SUCNR1: variants seen among roughly 807,000 people sequenced by gnomAD.
SUCNR1 encodes the protein G-protein coupled receptor 91.
In SUCNR1, 5 loss-of-function variants were observed where a neutral mutation model predicts 2.4. The ratio of observed to expected loss-of-function variants is 2.07; its 90% CI spans 1.08 to 4.36. The LOEUF is 4.36. Ranked by LOEUF, SUCNR1 falls within the 30% of genes most tolerant of loss-of-function variation. The pLI, the probability that SUCNR1 is intolerant of heterozygous loss-of-function variation, is 0.00. For synonymous variants in SUCNR1, 162 were observed against 143.9 expected, an observed-to-expected ratio of 1.13 and a Z score of -0.90; for missense variants, 373 against 399.2, an observed-to-expected ratio of 0.93 and a Z score of 0.56.
rs201402522 is a variant in SUCNR1, at chr3:151,883,502, ATATG to A, written c.*1957_*1960del. 6.1e-5 allele frequency: 7 copies of A among 115,422 alleles called. No individual in the cohort carries two copies. The highest frequency in any genetic ancestry group is 2.0e-4 in the African/African-American group (6 of 29,618). 7.1% of individuals were successfully genotyped at this position (115,422 alleles called of 1,614,324 possible). A position where few individuals can be genotyped will look rare whatever the true frequency, so the allele number is the denominator to read the frequency against. On this transcript the variant is annotated 3_prime_UTR_variant, in exon 3 of 3. Transcript: ENST00000362032. The stretch of plus-strand genomic sequence containing the variant: ...TATATATATATATATATATATATAT[ATATG>A]TACCTTGTAAACAAGAGGTTAAGAA...
intron 2 of SUCNR1, among the ~76,000 whole-genome samples, chr3:151,880,285 T>A (rs1180167397): frequency 6.6e-6 from 1 of 152,202 alleles, no homozygotes; most frequent in African/African-American, 2.4e-5. Context: ...CCCAAGAGAG[T>A]ATAAATTGTT....
rs1312076768 is a variant in SUCNR1, at chr3:151,883,877, A to C, written c.*2329A>C. On this transcript the variant is annotated 3_prime_UTR_variant, in exon 3 of 3. Transcript: ENST00000362032. Reference sequence around the variant, plus strand: ...CCCTATAGCTAAAGATTGCTACTTTAGTTTATTACATTCAGAACTTTCTTC... The same window carrying C: ...CCCTATAGCTAAAGATTGCTACTTTCGTTTATTACATTCAGAACTTTCTTC... 1 of 152,118 alleles carries C rather than the reference A, an allele frequency of 6.6e-6. No homozygotes were observed. The highest frequency in any genetic ancestry group is 1.5e-5 in the Non-Finnish European group (1 of 68,014). The allele number at this position is 152,118 out of a possible 1,614,324, so 9.4% of individuals were successfully genotyped here. A position where few individuals can be genotyped will look rare whatever the true frequency, so the allele number is the denominator to read the frequency against.
At chr3:151,880,110 A>C (rs939621014) in intron 2 of SUCNR1, among the ~76,000 whole-genome samples, 2 of 152,154 alleles carry the variant, frequency 1.3e-5, no homozygotes, top group Non-Finnish European at 2.9e-5. Context: ...GTTTTTGTTT[A>C]AATGTCATCT....
intron 1 of SUCNR1, among the ~76,000 whole-genome samples, chr3:151,874,149 T>A (rs1237396782): frequency 0.017 from 947 of 54,322 alleles, 7 homozygotes; most frequent in African/African-American, 0.075. Flanking sequence ...TATATATATT[T>A]TTTTTTTTTT....
intron 1 of SUCNR1, among the ~76,000 whole-genome samples, chr3:151,874,321 C>G (rs1054982793): frequency 3.3e-5 from 5 of 150,398 alleles, no homozygotes; most frequent in African/African-American, 1.2e-4. Context: ...ATTACAAGCG[C>G]CCACCACCAC....
Position 151,880,901 on chromosome 3 carries a change from C to A in SUCNR1, c.358C>A (p.Arg120=). Residue 120 remains arginine, a synonymous_variant, in exon 3 of 3, where the codon CGA becomes AGA. Coordinates refer to ENST00000362032, the MANE Select transcript of SUCNR1 (RefSeq NM_033050.6). ...CTTTCTCACTTTTATCAGCATAGAT[C>A]GATACTTGATAATTAAGTATCCTTT... ...ILFLTFISID[R]YLIIKYPFRE... The A allele has an allele frequency of 6.2e-7, 1 of 1,613,942 alleles. No individual in the cohort carries two copies. The highest frequency in any genetic ancestry group is 8.5e-7 in the Non-Finnish European group (1 of 1,179,950).
At chr3:151,877,537 A>G (rs1446030736) in intron 1 of SUCNR1, among the ~76,000 whole-genome samples, 1 of 152,184 alleles carries the variant, frequency 6.6e-6, no homozygotes, top group Non-Finnish European at 1.5e-5. Context: ...TTTGAGAAAT[A>G]CCCAGACATT....
intron 1 of SUCNR1, among the ~76,000 whole-genome samples, chr3:151,874,340 AT>A (rs200520994): frequency 3.3e-5 from 5 of 149,694 alleles, no homozygotes; most frequent in Admixed American, 6.7e-5. Context: ...ACGCCCGGCT[AT>A]TTTTTTTGGA....
chr3:151,877,450 T>C (rs914030014), intron 1 of SUCNR1, among the ~76,000 whole-genome samples: 6 of 152,104 alleles, frequency 3.9e-5, no homozygotes, highest in African/African-American at 1.4e-4. Flanking sequence ...AATAGCAGAA[T>C]ATGACATAGA....
At position 151,881,377 on chromosome 3, in the gene SUCNR1, T is replaced by C; in HGVS notation, c.834T>C (p.Ile278=). The C allele has an allele frequency of 6.2e-7, 1 of 1,614,180 alleles. No homozygotes were observed. The highest frequency in any genetic ancestry group is 8.5e-7 in the Non-Finnish European group (1 of 1,180,036). ...CTQVVINSFY[I]VTRPLAFLNS... ...AGGTCGTCATCAACTCCTTTTACAT[T>C]GTGACACGGCCTTTGGCCTTTCTGA... The change falls in exon 3 of 3, where the codon ATT becomes ATC. Residue 278 remains isoleucine, a synonymous_variant. Coordinates refer to ENST00000362032, the MANE Select transcript of SUCNR1 (RefSeq NM_033050.6).
At chr3:151,879,310 G>A (rs967276148) in intron 1 of SUCNR1, among the ~76,000 whole-genome samples, 1 of 152,194 alleles carries the variant, frequency 6.6e-6, no homozygotes, top group African/African-American at 2.4e-5. Flanking sequence ...CTAAGCATAT[G>A]ACCTAGGCAA....
At chr3:151,874,115 C>CAT (rs1190068160) in intron 1 of SUCNR1, among the ~76,000 whole-genome samples, 1 of 119,036 alleles carries the variant, frequency 8.4e-6, no homozygotes, top group African/African-American at 3.8e-5. Flanking sequence ...CACACACACA[C>CAT]ATATACATAC....
chr3:151,879,229 G>C (rs1448459202), intron 1 of SUCNR1, among the ~76,000 whole-genome samples: 1 of 152,188 alleles, frequency 6.6e-6, no homozygotes, highest in Non-Finnish European at 1.5e-5. Flanking sequence ...CAAGACTCTT[G>C]AGGTTTGAGT....
intron 1 of SUCNR1, among the ~76,000 whole-genome samples, chr3:151,876,401 T>C (rs1164002465): frequency 6.6e-6 from 1 of 152,136 alleles, no homozygotes; most frequent in Non-Finnish European, 1.5e-5. Context: ...TTAAAGCCTA[T>C]TGACATTTTT....
rs1352230445 is a variant in SUCNR1 at position 151,883,082 on chromosome 3, A to T, written c.*1534A>T. On this transcript the variant is annotated 3_prime_UTR_variant, in exon 3 of 3. Coordinates refer to ENST00000362032, the MANE Select transcript of SUCNR1 (RefSeq NM_033050.6). ...TATCTCTAGACTTCAAGCAACTGAA[A>T]TATTATAAAAATGCATTAGTCACAA... The T allele has an allele frequency of 6.6e-6, 1 of 152,108 alleles. No individual in the cohort carries two copies. The highest frequency in any genetic ancestry group is 1.5e-5 in the Non-Finnish European group (1 of 67,960). The allele number at this position is 152,108 out of a possible 1,614,324, so 9.4% of individuals were successfully genotyped here. A position where few individuals can be genotyped will look rare whatever the true frequency, so the allele number is the denominator to read the frequency against.
intron 2 of SUCNR1, among the ~76,000 whole-genome samples, 180 bp downstream of exon 2, chr3:151,880,087 T>C (rs1391421112): frequency 2.0e-5 from 3 of 152,230 alleles, no homozygotes; most frequent in South Asian, 4.1e-4. Flanking sequence ...TCTCTTTCAC[T>C]TTCTTCATTG....
chr3:151,876,269 G>A (rs1308974585), intron 1 of SUCNR1, among the ~76,000 whole-genome samples: 1 of 152,124 alleles, frequency 6.6e-6, no homozygotes, highest in Non-Finnish European at 1.5e-5. Context: ...CAAGGAGATT[G>A]TTGTGTCATA....
In SUCNR1 at chr3:151,883,356, T is replaced by C. The variant is rs1718156683; in HGVS notation, c.*1808T>C. The C allele has an allele frequency of 6.6e-6, 1 of 151,140 alleles. No individual in the cohort carries two copies. Among genetic ancestry groups the C allele is most frequent in the Admixed American group, 6.6e-5 (1 of 15,152 alleles). The allele number at this position is 151,140 out of a possible 1,614,324, so 9.4% of individuals were successfully genotyped here. A position where few individuals can be genotyped will look rare whatever the true frequency, so the allele number is the denominator to read the frequency against. ...TTTGTATTTTATGCATGAATTTTAC[T>C]TGTAAAGACAAAATTAAATTTGCTT... On this transcript the variant is annotated 3_prime_UTR_variant, in exon 3 of 3. Coordinates refer to ENST00000362032, the MANE Select transcript of SUCNR1 (RefSeq NM_033050.6).
rs57096358 is a variant in SUCNR1 at position 151,883,465 on chromosome 3, CATATATATATATATATATATAT to C, written c.*1936_*1957del. On this transcript the variant is annotated 3_prime_UTR_variant, in exon 3 of 3. Coordinates refer to ENST00000362032, the MANE Select transcript of SUCNR1 (RefSeq NM_033050.6). ...AATATTTTTTCAAACCATAAACTCA[CATATATATATATATATATATAT>C]ATATATATATATATATATGTACCTT... The C allele has an allele frequency of 5.7e-4, 46 of 80,406 alleles. No homozygotes were observed. The highest frequency in any genetic ancestry group is 2.1e-3 in the Admixed American group (13 of 6,146). 5.0% of individuals were successfully genotyped at this position (80,406 alleles called of 1,614,324 possible). A position where few individuals can be genotyped will look rare whatever the true frequency, so the allele number is the denominator to read the frequency against.
Sources: gnomAD v4.1 joint callset for allele counts (sites outside exome capture counted in the v4.1 genomes callset) on GRCh38, gnomAD v4.1.1 for gene constraint, MANE v1.5 for transcripts, NCBI Gene and HGNC (gene_info 2026-07-23, HGNC 2026-07-21) for gene names.